The following USP42 variants were observed in gnomAD, a reference collection of about 807,000 sequenced individuals.
USP42 encodes ubiquitin specific peptidase 42, also known as ubiquitin carboxyl-terminal hydrolase 42.
Under a neutral mutation model 113.0 loss-of-function variants are expected in USP42, and 23 were observed. The observed-to-expected ratio is 0.20, with a 90% CI of 0.15 to 0.29. The LOEUF is 0.29. Ranked by LOEUF, USP42 falls within the 10% of genes least tolerant of loss-of-function variation. The pLI, the probability that USP42 is intolerant of heterozygous loss-of-function variation, is 1.00. For missense variants in USP42, 2,174 were observed against 1,779.8 expected (o/e 1.22, Z -3.99); for synonymous variants, 933 against 699.0 (o/e 1.33, Z -5.28).
the USP42 span, among the ~76,000 whole-genome samples, chr7:6,087,833 T>C: frequency 6.6e-6 from 1 of 151,296 alleles, no homozygotes; most frequent in Non-Finnish European, 1.5e-5. Flanking sequence ...GAACATATGT[T>C]TGATACTAAT....
intron 3 of USP42, among the ~76,000 whole-genome samples, chr7:6,133,776 T>G (rs1368221744): frequency 6.6e-6 from 1 of 152,160 alleles, no homozygotes; most frequent in East Asian, 1.9e-4. Context: ...TGCCTCAGCC[T>G]CCCGAAGCAC....
chr7:6,096,653 C>T, the USP42 span, among the ~76,000 whole-genome samples: 1 of 151,486 alleles, frequency 6.6e-6, no homozygotes, highest in Admixed American at 6.6e-5. Context: ...AGGCTGATTG[C>T]ACAAGTTGAT....
chr7:6,154,632 C>T lies in USP42; in HGVS notation c.3078C>T (p.Ser1026=), dbSNP rs1329131424. The stretch of plus-strand genomic sequence containing the variant: ...GTCACCACCACTCCCGACACCGGAG[C>T]GGGGTGGAGCTGGACTGGGTCAGAC... ...RCSHHHSRHR[S]GVELDWVRHH... The change falls in exon 15 of 18, where the codon AGC becomes AGT. Residue 1026 remains serine (S), a synonymous_variant. Coordinates refer to ENST00000306177, the MANE Select transcript of USP42 (RefSeq NM_032172.3). The T allele has an allele frequency of 2.5e-6, 4 of 1,602,184 alleles. No homozygotes were observed. The highest frequency in any genetic ancestry group is 2.3e-5 in the East Asian group (1 of 44,402).
chr7:6,149,775 CACA>C lies in USP42; in HGVS notation c.1584_1586del (p.Asn528del), dbSNP rs1416698854. 4 of 1,614,034 alleles carry C rather than the reference CACA, an allele frequency of 2.5e-6. No homozygotes were observed. The highest frequency in any genetic ancestry group is 3.4e-6 in the Non-Finnish European group (4 of 1,179,904). On this transcript the variant is annotated inframe_deletion, in exon 13 of 18. Transcript: ENST00000306177. ...GAAACAAAAAATTACAATCAGTATT[CACA>C]ACAAGTTGCCTGTTCGCCAGTGTCA...
rs370637143 is a variant in USP42, at chr7:6,154,992, C to T, written c.3438C>T (p.Asn1146=). The change falls in exon 15 of 18, where the codon AAC becomes AAT. Residue 1146 remains asparagine, a synonymous_variant. Transcript: ENST00000306177. ...CACTTGTAGCCGGAGACAACTGTAA[C>T]CTCTCTGATCGGTTTCACGAACACG... is the stretch of plus-strand genomic sequence containing the variant. The part of the protein sequence containing the change: ...RTALVAGDNC[N]LSDRFHEHEN... The T allele has an allele frequency of 6.9e-5, 108 of 1,564,008 alleles. No homozygotes were observed. The highest frequency in any genetic ancestry group is 8.6e-5 in the Non-Finnish European group (99 of 1,153,910).
Position 6,136,497 on chromosome 7 carries a change from A to T in USP42, c.553+546A>T, listed in dbSNP as rs571712011. 2.5e-4 allele frequency among the ~76,000 whole-genome samples: 38 copies of T among 152,368 alleles called. 1 individual carries two copies. The highest frequency in any genetic ancestry group is 8.9e-4 in the African/African-American group (37 of 41,596). On this transcript the variant is annotated intron_variant, in intron 4 of 17. Transcript: ENST00000306177. ...TATTAAAGACTATTCAATTTAATATAACAAATTTTAAACTATTAAAAATCA... is the reference window on the plus strand; with the variant it reads ...TATTAAAGACTATTCAATTTAATATTACAAATTTTAAACTATTAAAAATCA...
chr7:6,139,023 A>AT lies in USP42; in HGVS notation c.554-65dup, dbSNP rs1781308188. 3.0e-6 allele frequency: 3 copies of AT among 986,890 alleles called. No homozygotes were observed. Among genetic ancestry groups the AT allele is most frequent in the Non-Finnish European group, 4.5e-6 (3 of 663,660 alleles). 61.1% of individuals were successfully genotyped at this position (986,890 alleles called of 1,614,324 possible). On this transcript the variant is annotated intron_variant, in intron 4 of 17. Transcript: ENST00000306177. The surrounding 1 kb of genome is among the most constrained non-coding windows in gnomAD (Gnocchi z 4.5). ...CAACCAACATATTATTATAAGATAT[A>AT]TTTTGGGGGGTACAACTTAGGCTTA... is the stretch of plus-strand genomic sequence containing the variant.
rs1173113644 is a variant in USP42, at chr7:6,146,183, C to T, written c.1167C>T (p.Ser389=). ...SNGLWYQMND[S]IVSTSDIRSV... is the part of the protein sequence containing the mutation. ...GCCTCTGGTATCAAATGAATGACTC[C>T]ATTGTATCTACCAGTGATATTAGAT... Residue 389 remains serine, a synonymous_variant, in exon 11 of 18, where the codon TCC becomes TCT. Transcript: ENST00000306177. The T allele has an allele frequency of 1.2e-6, 2 of 1,604,052 alleles. No individual in the cohort carries two copies. Among genetic ancestry groups the T allele is most frequent in the Non-Finnish European group, 1.7e-6 (2 of 1,175,556 alleles).
At chr7:6,137,877 C>T (rs1466549076) in intron 4 of USP42, among the ~76,000 whole-genome samples, 3 of 152,060 alleles carry the variant, frequency 2.0e-5, no homozygotes, top group Non-Finnish European at 4.4e-5. Flanking sequence ...GATGGGGTTT[C>T]ACCATGTTAG....
rs78999990 is a variant in USP42, at chr7:6,159,401, C to T, written c.3944-49C>T. The T allele has an allele frequency of 1.6e-3, 2,513 of 1,613,224 alleles. 23 individuals are homozygous for T. In the African/African-American group the frequency reaches 0.028, roughly 18 times the overall value. ...CGCACACACACAGCAGAGGCCCTGG[C>T]GATTTTGCAACCATCATTAAAATCT... On this transcript the variant is annotated intron_variant, in intron 16 of 17. Transcript: ENST00000306177. This position sits in a 1 kb window ranked among gnomAD's most constrained non-coding sequence, Gnocchi z 4.1.
chr7:6,102,568 C>T (rs1195085044), upstream of USP42, among the ~76,000 whole-genome samples: 1 of 150,442 alleles, frequency 6.6e-6, no homozygotes, highest in East Asian at 2.0e-4. Flanking sequence ...CACAACCAAC[C>T]TGGGCAACAT....
At chr7:6,092,038 CTTCTTCTTCTTCT>C in the USP42 span, among the ~76,000 whole-genome samples, 1 of 103,772 alleles carries the variant, frequency 9.6e-6, no homozygotes, top group Non-Finnish European at 2.1e-5. Flanking sequence ...TCTTCTTCTT[CTTCTTCTTCTTCT>C]TCTTTCTTCT....
At chr7:6,152,636 G>A (rs1348582733) in intron 14 of USP42, among the ~76,000 whole-genome samples, 4 of 152,132 alleles carry the variant, frequency 2.6e-5, no homozygotes, top group Non-Finnish European at 5.9e-5. Flanking sequence ...TCGCTCCCTC[G>A]GCCAGGGGAC....
At chr7:6,118,598 T>C (rs1384109275) in intron 3 of USP42, among the ~76,000 whole-genome samples, 2 of 152,216 alleles carry the variant, frequency 1.3e-5, no homozygotes, top group Admixed American at 6.5e-5. Context: ...TACTTTCTTC[T>C]AGAAGTCTTA....
chr7:6,153,658 A>G lies in USP42; in HGVS notation c.2202-98A>G. The stretch of plus-strand genomic sequence containing the variant: ...TAATAATAAAATAAAGAGACGAAAT[A>G]GCAAATGAACGTTTTGAAGTATTTG... On this transcript the variant is annotated intron_variant, in intron 14 of 17. Transcript: ENST00000306177. 3.8e-6 allele frequency: 5 copies of G among 1,324,642 alleles called. No individual in the cohort carries two copies. In the East Asian group the frequency reaches 1.1e-4, roughly 30 times the overall value. 82.1% of individuals were successfully genotyped at this position (1,324,642 alleles called of 1,614,324 possible). A position where few individuals can be genotyped will look rare whatever the true frequency, so the allele number is the denominator to read the frequency against.
chr7:6,151,064 A>G (rs1300774655), intron 14 of USP42, among the ~76,000 whole-genome samples: 1 of 152,228 alleles, frequency 6.6e-6, no homozygotes, highest in Admixed American at 6.5e-5. Context: ...CAGCTGTAAT[A>G]CAGTGGTATT....
At chr7:6,155,256 C>A in intron 15 of USP42, 61 bp downstream of exon 15, 2 of 1,459,792 alleles carry the variant, frequency 1.4e-6, no homozygotes, top group South Asian at 2.9e-5. Context: ...TGGGGCCTGT[C>A]CCTTCTCACT....
chr7:6,107,314 A>G (rs1449105378), intron 1 of USP42, among the ~76,000 whole-genome samples: 1 of 151,964 alleles, frequency 6.6e-6, no homozygotes, highest in Non-Finnish European at 1.5e-5. Flanking sequence ...CTGAAAATTA[A>G]GGTTTTTGTT....
In USP42 at chr7:6,154,094, C is replaced by T. The variant is rs1242933809; in HGVS notation, c.2540C>T (p.Ala847Val). 1.2e-6 allele frequency: 2 copies of T among 1,604,986 alleles called. No individual in the cohort carries two copies. The highest frequency in any genetic ancestry group is 8.5e-7 in the Non-Finnish European group (1 of 1,178,696). The change falls in exon 15 of 18, where the codon GCG becomes GTG. Residue 847 changes from alanine (A) to valine (V), a missense_variant. Coordinates refer to ENST00000306177, the MANE Select transcript of USP42 (RefSeq NM_032172.3). Reference protein sequence around the residue: ...GMIAEGPRDSALAEAPEGLSP... With the variant: ...GMIAEGPRDSVLAEAPEGLSP... Reference sequence around the variant, plus strand: ...ATCGCGGAGGGCCCGCGGGACTCGGCGTTGGCGGAAGCCCCGGAAGGGTTG... The same window carrying T: ...ATCGCGGAGGGCCCGCGGGACTCGGTGTTGGCGGAAGCCCCGGAAGGGTTG...
Sources: gnomAD v4.1 joint callset for allele counts (sites outside exome capture counted in the v4.1 genomes callset) on GRCh38, gnomAD v4.1.1 for gene constraint, Gnocchi (gnomAD v3.1) non-coding constraint, MANE v1.5 for transcripts, NCBI Gene and HGNC (gene_info 2026-07-23, HGNC 2026-07-21) for gene names.